Variants in NHS observed in about 807,000 individuals in gnomAD.
NHS encodes NHS actin remodeling regulator.
Under a neutral mutation model 72.5 loss-of-function variants are expected in NHS, and 5 were observed. That is an observed-to-expected ratio of 0.07 (90% CI 0.04 to 0.14). The LOEUF is 0.14. Ranked by LOEUF, NHS falls within the 10% of genes least tolerant of loss-of-function variation. The probability of loss-of-function intolerance (pLI) is 1.00; values close to 1 mark genes in which losing one functional copy is unlikely to be tolerated. For synonymous variants in NHS, 464 were observed against 547.7 expected, an observed-to-expected ratio of 0.85 and a Z score of 2.13; for missense variants, 1,072 against 1,355.7, an observed-to-expected ratio of 0.79 and a Z score of 3.29.
chrX:17,534,934 T>C (rs1205118554), intron 1 of NHS, among the ~76,000 whole-genome samples: 1 of 111,642 alleles, frequency 9.0e-6, no homozygotes, highest in Non-Finnish European at 1.9e-5. Flanking sequence ...GGGATTAATG[T>C]TCCTGAACAG....
intron 1 of NHS, among the ~76,000 whole-genome samples, chrX:17,397,872 G>A (rs890958681): frequency 3.8e-4 from 43 of 112,019 alleles, no homozygotes; most frequent in Non-Finnish European, 7.3e-4. Flanking sequence ...GTTGAGGGAT[G>A]TGGTAATCAC....
chrX:17,718,814 G>A (rs2066384993), intron 3 of NHS, among the ~76,000 whole-genome samples: 1 of 83,559 alleles, frequency 1.2e-5, no homozygotes, highest in African/African-American at 4.6e-5. Context: ...GGGGAAGGAG[G>A]GAAGGTAGGA....
chrX:17,523,415 C>T (rs1029885673), intron 1 of NHS, among the ~76,000 whole-genome samples: 1 of 111,920 alleles, frequency 8.9e-6, no homozygotes, highest in Non-Finnish European at 1.9e-5. Flanking sequence ...TTCCAGGGCC[C>T]ACCCCCCAGG....
chrX:17,523,857 T>C (rs1162853497), intron 1 of NHS, among the ~76,000 whole-genome samples: 1 of 111,252 alleles, frequency 9.0e-6, no homozygotes, highest in Non-Finnish European at 1.9e-5. Flanking sequence ...CCGAAGTGGT[T>C]TTGGTTTTCT....
At chrX:17,439,116 G>C (rs1601707270) in intron 1 of NHS, among the ~76,000 whole-genome samples, 1 of 75,047 alleles carries the variant, frequency 1.3e-5, no homozygotes. Flanking sequence ...AAAGATAGCA[G>C]GGGTGGGGGG....
At chrX:17,409,374 GT>G (rs61181196) in intron 1 of NHS, among the ~76,000 whole-genome samples, 26,605 of 97,019 alleles carry the variant, frequency 0.27, 3,416 homozygotes, top group Admixed American at 0.38. Flanking sequence ...CTTCCATTAT[GT>G]TTTTTTTTTT....
In NHS at chrX:17,724,459, A is replaced by G. The variant is rs779170769; in HGVS notation, c.1240+29A>G. 7.5e-6 allele frequency: 9 copies of G among 1,205,572 alleles called. No individual in the cohort carries two copies. In the East Asian group the frequency reaches 2.7e-4, roughly 36 times the overall value. On this transcript the variant is annotated intron_variant, in intron 6 of 8. Transcript: ENST00000676302. ...TGATATCAAAAAATGTTAATGGTTA[A>G]CATTCCTCCGCCTAGTACAGATGAT...
chrX:17,413,530 G>A (rs1189868976), intron 1 of NHS, among the ~76,000 whole-genome samples: 14 of 112,102 alleles, frequency 1.2e-4, no homozygotes, highest in Non-Finnish European at 1.7e-4. Flanking sequence ...TTGATTAATC[G>A]TTTCAGAACC....
At chrX:17,665,318 ATTTTTTTTTTTTT>A (rs34661609) in intron 1 of NHS, among the ~76,000 whole-genome samples, 4 of 54,730 alleles carry the variant, frequency 7.3e-5, no homozygotes, top group African/African-American at 1.1e-4. Flanking sequence ...TTACCTATAG[ATTTTTTTTTTTTT>A]TTTTTTTTTT....
chrX:17,399,875 A>G (rs2064495008), intron 1 of NHS, among the ~76,000 whole-genome samples: 1 of 112,053 alleles, frequency 8.9e-6, no homozygotes, highest in Non-Finnish European at 1.9e-5. Context: ...AGATCTTTTC[A>G]TGACAAAAAC....
At chrX:17,558,216 T>C (rs781632833) in intron 1 of NHS, among the ~76,000 whole-genome samples, 4 of 111,971 alleles carry the variant, frequency 3.6e-5, no homozygotes, top group Non-Finnish European at 5.6e-5. Context: ...TTCCTGGCGT[T>C]ACAAACTCCT....
chrX:17,437,489 A>T (rs779421492), intron 1 of NHS, among the ~76,000 whole-genome samples: 3 of 111,716 alleles, frequency 2.7e-5, no homozygotes, highest in Non-Finnish European at 5.7e-5. Context: ...GGCAAGGGTC[A>T]CAAAGTGCTG....
intron 1 of NHS, among the ~76,000 whole-genome samples, chrX:17,611,775 A>G (rs1442933196): frequency 9.0e-6 from 1 of 111,235 alleles, no homozygotes; most frequent in African/African-American, 3.3e-5. Context: ...GGGTCTTCAA[A>G]TCCATACTAT....
intron 1 of NHS, among the ~76,000 whole-genome samples, chrX:17,421,266 C>CGT (rs1555986790): frequency 7.4e-5 from 8 of 108,132 alleles, no homozygotes; most frequent in African/African-American, 2.7e-4. Flanking sequence ...CACACACACA[C>CGT]GCCAGCCTGG....
At chrX:17,513,814 T>C (rs1464116035) in intron 1 of NHS, among the ~76,000 whole-genome samples, 1 of 112,518 alleles carries the variant, frequency 8.9e-6, no homozygotes, top group Non-Finnish European at 1.9e-5. Flanking sequence ...TAATATTGAA[T>C]GTCAACTTGA....
intron 1 of NHS, among the ~76,000 whole-genome samples, chrX:17,477,018 G>C (rs1044345688): frequency 7.1e-5 from 8 of 112,294 alleles, no homozygotes; most frequent in Admixed American, 9.4e-5. Context: ...CCACTCCTAT[G>C]TTCCTGGCAC....
chrX:17,416,819 T>TGTGTGTGTGTGA (rs1445369548), intron 1 of NHS, among the ~76,000 whole-genome samples: 10 of 98,196 alleles, frequency 1.0e-4, no homozygotes, highest in African/African-American at 3.9e-4. Context: ...TGTGTGTGTG[T>TGTGTGTGTGTGA]GAGAGAGAGA....
intron 1 of NHS, among the ~76,000 whole-genome samples, chrX:17,670,565 A>C (rs2066038362): frequency 8.9e-6 from 1 of 112,532 alleles, no homozygotes; most frequent in African/African-American, 3.2e-5. Flanking sequence ...GGGTTGTGTA[A>C]GTGTAATGAA....
chrX:17,734,788 C>T lies in NHS; in HGVS notation c.*2324C>T, dbSNP rs1488039040. The stretch of plus-strand genomic sequence containing the variant: ...TAAAAATAAAGTTTTTAGGCAAATG[C>T]GATAAGAAACCGTCATTTCCAGTCA... On this transcript the variant is annotated 3_prime_UTR_variant, in exon 9 of 9. Transcript: ENST00000676302. 10 of 112,008 alleles carry T rather than the reference C, an allele frequency of 8.9e-5. No individual in the cohort carries two copies. Among genetic ancestry groups the T allele is most frequent in the Non-Finnish European group, 1.9e-4 (10 of 53,145 alleles). 9.2% of individuals were successfully genotyped at this position (112,008 alleles called of 1,213,427 possible). A position where few individuals can be genotyped will look rare whatever the true frequency, so the allele number is the denominator to read the frequency against.
Sources: allele counts gnomAD v4.1 joint callset (sites outside exome capture counted in the v4.1 genomes callset), GRCh38; gene constraint gnomAD v4.1.1; transcripts MANE v1.5; gene names NCBI Gene and HGNC (gene_info 2026-07-23, HGNC 2026-07-21).